Variants in AVEN observed in about 807,000 individuals in gnomAD.
AVEN encodes the protein cell death regulator Aven.
A neutral mutation model predicts 38.1 loss-of-function variants in AVEN; 41 were observed. That is an observed-to-expected ratio of 1.08 (90% CI 0.84 to 1.40). AVEN has a LOEUF of 1.40. Ranked by LOEUF, AVEN falls within the 40% of genes most tolerant of loss-of-function variation. The probability of loss-of-function intolerance (pLI) is 0.00; values close to 1 mark genes in which losing one functional copy is unlikely to be tolerated. For synonymous variants in AVEN, 206 were observed against 171.8 expected, an observed-to-expected ratio of 1.20 and a Z score of -1.56; for missense variants, 605 against 438.8, an observed-to-expected ratio of 1.38 and a Z score of -3.38.
chr15:33,900,581 A>G (rs1224054572), intron 2 of AVEN, among the ~76,000 whole-genome samples: 1 of 151,872 alleles, frequency 6.6e-6, no homozygotes, highest in Non-Finnish European at 1.5e-5. Context: ...TGCTTGGATT[A>G]TAGGTGTGAG....
intron 5 of AVEN, among the ~76,000 whole-genome samples, 194 bp from the exon 6 acceptor site, chr15:33,866,922 C>A (rs773761952): frequency 2.0e-5 from 3 of 151,822 alleles, no homozygotes; most frequent in Non-Finnish European, 2.9e-5. Flanking sequence ...TTGAACTTCA[C>A]ACCTTGCTAG....
intron 2 of AVEN, among the ~76,000 whole-genome samples, chr15:33,974,233 A>G (rs1895773105): frequency 6.6e-6 from 1 of 152,216 alleles, no homozygotes; most frequent in African/African-American, 2.4e-5. Context: ...TACTTTGCAA[A>G]TGAAATTGAA....
intron 1 of AVEN, among the ~76,000 whole-genome samples, chr15:34,034,544 G>A (rs1213114899): frequency 6.6e-6 from 1 of 151,306 alleles, no homozygotes; most frequent in Non-Finnish European, 1.5e-5. Context: ...TTTATATTTT[G>A]AAATTCTCTG....
intron 1 of AVEN, chr15:34,018,089 G>C (rs1188588236): frequency 6.6e-6 from 1 of 152,128 alleles, no homozygotes; most frequent in Non-Finnish European, 1.5e-5. Context: ...CATTATTTTA[G>C]AGTACAGTCA....
At chr15:33,967,921 A>G (rs1031740024) in intron 2 of AVEN, among the ~76,000 whole-genome samples, 1 of 151,104 alleles carries the variant, frequency 6.6e-6, no homozygotes, top group African/African-American at 2.4e-5. Context: ...AGATGTATAA[A>G]AACAGGCATA....
chr15:33,940,914 T>C (rs893295225), intron 2 of AVEN, among the ~76,000 whole-genome samples: 8 of 152,188 alleles, frequency 5.3e-5, no homozygotes, highest in African/African-American at 1.9e-4. Context: ...TCCTGTAACT[T>C]CCAACAAACC....
intron 2 of AVEN, among the ~76,000 whole-genome samples, chr15:33,881,063 A>T (rs1008563909): frequency 6.6e-6 from 1 of 152,210 alleles, no homozygotes; most frequent in African/African-American, 2.4e-5. Context: ...CCTTACAGAT[A>T]AAGAATATAG....
chr15:33,860,618 G>C, intron 11 of AVEN: 1 of 1,593,058 alleles, frequency 6.3e-7, no homozygotes, highest in Non-Finnish European at 8.6e-7. Context: ...TGCTTTCGGA[G>C]AGCTAAGAGA....
At chr15:33,973,187 C>A (rs996785565) in intron 2 of AVEN, among the ~76,000 whole-genome samples, 4 of 152,130 alleles carry the variant, frequency 2.6e-5, no homozygotes, top group African/African-American at 9.7e-5. Flanking sequence ...ACTACGTGGG[C>A]CTTCTTATTT....
At chr15:33,943,376 T>C (rs1340413672) in intron 2 of AVEN, among the ~76,000 whole-genome samples, 1 of 152,196 alleles carries the variant, frequency 6.6e-6, no homozygotes, top group African/African-American at 2.4e-5. Context: ...TACTATATTA[T>C]TCCATTTATA....
At chr15:33,878,374 A>G (rs1298337395) in intron 2 of AVEN, among the ~76,000 whole-genome samples, 1 of 152,200 alleles carries the variant, frequency 6.6e-6, no homozygotes, top group Non-Finnish European at 1.5e-5. Context: ...GGAAACTTAG[A>G]TATCGTAAGA....
downstream of AVEN, chr15:33,864,628 T>TTGTGACTAAATGTGAAAAAGAAA (rs1889815818): frequency 5.8e-6 from 1 of 173,458 alleles, no homozygotes; most frequent in Non-Finnish European, 1.2e-5. Flanking sequence ...GTGTCAAATT[T>TTGTGACTAAATGTGAAAAAGAAA]TGTGACTAAA....
intron 2 of AVEN, among the ~76,000 whole-genome samples, chr15:33,947,823 C>T (rs767256930): frequency 2.6e-5 from 4 of 152,144 alleles, no homozygotes; most frequent in Non-Finnish European, 5.9e-5. Context: ...GGTATCATCC[C>T]TCAGACTCCC....
At chr15:33,948,386 C>T (rs1248375460) in intron 2 of AVEN, among the ~76,000 whole-genome samples, 5 of 151,774 alleles carry the variant, frequency 3.3e-5, no homozygotes, top group African/African-American at 4.8e-5. Flanking sequence ...TGAGCCACCA[C>T]GCCCAGCCTA....
At chr15:33,865,019 C>CAT, downstream of AVEN, 1 of 725,836 alleles carries the variant, frequency 1.4e-6, no homozygotes, top group Non-Finnish European at 2.4e-6. Context: ...GGTTTGGCCT[C>CAT]ATATAAATTC....
intron 5 of AVEN, among the ~76,000 whole-genome samples, chr15:34,047,108 C>T (rs546518628): frequency 4.7e-5 from 7 of 150,182 alleles, no homozygotes; most frequent in African/African-American, 7.4e-5. Flanking sequence ...GACGGAGTCT[C>T]GTTCTGTCGC....
At chr15:33,854,707 T>C, downstream of AVEN, 1 of 1,542,156 alleles carries the variant, frequency 6.5e-7, no homozygotes, top group South Asian at 1.3e-5. Flanking sequence ...AAAAAATGTT[T>C]TATAATGAGC....
chr15:33,920,280 C>G (rs986181821), intron 2 of AVEN, among the ~76,000 whole-genome samples: 1 of 152,188 alleles, frequency 6.6e-6, no homozygotes, highest in African/African-American at 2.4e-5. Flanking sequence ...TGTCCTGCAA[C>G]CAATCTCCAG....
chr15:33,935,418 T>TG (rs1169380563), intron 2 of AVEN, among the ~76,000 whole-genome samples: 1 of 152,186 alleles, frequency 6.6e-6, no homozygotes, highest in African/African-American at 2.4e-5. Context: ...AGCATTTTTT[T>TG]GAACTCAGAA....
Sources: gnomAD v4.1 joint callset for allele counts (sites outside exome capture counted in the v4.1 genomes callset) on GRCh38, gnomAD v4.1.1 for gene constraint, MANE v1.5 for transcripts, NCBI Gene and HGNC (gene_info 2026-07-23, HGNC 2026-07-21) for gene names.